The following PPP2R2B variants were observed in gnomAD, a reference collection of about 807,000 sequenced individuals.
PPP2R2B encodes protein phosphatase 2 regulatory subunit Bbeta.
PPP2R2B carries 5 observed loss-of-function variants against 46.0 expected under a neutral mutation model. That is an observed-to-expected ratio of 0.11 (90% confidence interval 0.06 to 0.23). PPP2R2B has a LOEUF of 0.23. Ranked by LOEUF, PPP2R2B falls within the 10% of genes least tolerant of loss-of-function variation. The pLI, the probability that PPP2R2B is intolerant of heterozygous loss-of-function variation, is 1.00. For missense variants in PPP2R2B, 367 were observed against 575.0 expected, an observed-to-expected ratio of 0.64 and a Z score of 3.70; for synonymous variants, 215 against 206.7, an observed-to-expected ratio of 1.04 and a Z score of -0.34.
At chr5:146,694,388 A>G (rs1030171705) in intron 4 of PPP2R2B, among the ~76,000 whole-genome samples, 1 of 152,214 alleles carries the variant, frequency 6.6e-6, no homozygotes, top group Non-Finnish European at 1.5e-5. Context: ...GTGGCTTAGA[A>G]CATCCCCAAA....
At chr5:146,734,178 C>A (rs1752403413) in intron 2 of PPP2R2B, among the ~76,000 whole-genome samples, 1 of 151,954 alleles carries the variant, frequency 6.6e-6, no homozygotes, top group East Asian at 1.9e-4. Flanking sequence ...ACCTTCGCCT[C>A]CCAAGTAGCT....
At chr5:146,990,649 G>A (rs1268945938) in intron 1 of PPP2R2B, among the ~76,000 whole-genome samples, 1 of 152,044 alleles carries the variant, frequency 6.6e-6, no homozygotes, top group Non-Finnish European at 1.5e-5. Flanking sequence ...TCATGAAATT[G>A]GAGTAGGCAA....
At position 146,585,559 on chromosome 5, in the gene PPP2R2B, G is replaced by T. The variant is rs1220063362; in HGVS notation, c.*4388C>A. 1 of 152,176 alleles carries T rather than the reference G, an allele frequency of 6.6e-6. No individual in the cohort carries two copies. The highest frequency in any genetic ancestry group is 1.5e-5 in the Non-Finnish European group (1 of 68,028). The allele number at this position is 152,176 out of a possible 1,614,324, so 9.4% of individuals were successfully genotyped here. On this transcript the variant is annotated 3_prime_UTR_variant, in exon 10 of 10. Transcript: ENST00000394411. ...GTTAGAGCTGTATTTTAACAGCTCT[G>T]GCTTTAGAGTCAGATACCTTGAGTT...
chr5:146,980,072 T>G (rs545924523), intron 1 of PPP2R2B, among the ~76,000 whole-genome samples: 8 of 152,324 alleles, frequency 5.3e-5, no homozygotes, highest in African/African-American at 1.9e-4. Context: ...CCATAATTTA[T>G]AGGTGAGATA....
chr5:147,040,520 G>C (rs954572365), intron 1 of PPP2R2B, among the ~76,000 whole-genome samples: 4 of 152,244 alleles, frequency 2.6e-5, no homozygotes, highest in African/African-American at 9.6e-5. Context: ...TCATGCTTGA[G>C]ATTGGACTGG....
chr5:146,626,988 T>C (rs918027821), intron 7 of PPP2R2B, among the ~76,000 whole-genome samples: 21 of 152,218 alleles, frequency 1.4e-4, no homozygotes. Flanking sequence ...GAAGGGATTC[T>C]ATTTTTATTC....
intron 2 of PPP2R2B, chr5:146,706,744 C>T: frequency 5.0e-6 from 4 of 804,188 alleles, no homozygotes; most frequent in Non-Finnish European, 8.9e-6. Flanking sequence ...TCCCAGCCAG[C>T]GTCTGCAGCT....
intron 2 of PPP2R2B, among the ~76,000 whole-genome samples, chr5:146,844,378 A>T (rs189004747): frequency 0.01 from 1,536 of 151,324 alleles, 29 homozygotes; most frequent in African/African-American, 0.035. Context: ...ATTAAAAAAA[A>T]ATATATACTG....
intron 1 of PPP2R2B, among the ~76,000 whole-genome samples, chr5:146,916,323 G>A (rs1238444925): frequency 6.9e-6 from 1 of 145,560 alleles, no homozygotes. Context: ...CTCAGAGGAA[G>A]TTCTATCTCT....
chr5:147,014,496 A>G (rs368700846), intron 1 of PPP2R2B, among the ~76,000 whole-genome samples: 1 of 152,128 alleles, frequency 6.6e-6, no homozygotes, highest in Non-Finnish European at 1.5e-5. Context: ...CAAATGTCCA[A>G]CAATGATAGA....
intron 2 of PPP2R2B, among the ~76,000 whole-genome samples, chr5:147,072,360 G>T (rs981912673): frequency 3.3e-5 from 5 of 152,224 alleles, no homozygotes; most frequent in Middle Eastern, 3.4e-3. Flanking sequence ...ATCCATTATT[G>T]TTGTATTAGT....
At chr5:146,822,298 C>CA (rs2151334713) in intron 2 of PPP2R2B, among the ~76,000 whole-genome samples, 1 of 152,270 alleles carries the variant, frequency 6.6e-6, no homozygotes, top group South Asian at 2.1e-4. Context: ...CTAAGCCCTC[C>CA]AGTGACTTCT....
At chr5:147,043,667 C>T (rs1756416653) in intron 1 of PPP2R2B, among the ~76,000 whole-genome samples, 1 of 152,182 alleles carries the variant, frequency 6.6e-6, no homozygotes, top group African/African-American at 2.4e-5. Context: ...GCTGCATGCT[C>T]AGTATGTGCA....
intron 1 of PPP2R2B, among the ~76,000 whole-genome samples, chr5:146,941,562 T>C (rs189952752): frequency 2.5e-4 from 38 of 152,274 alleles, no homozygotes; most frequent in Admixed American, 5.9e-4. Context: ...GTAGAAAAAC[T>C]AAAAAACATT....
intron 2 of PPP2R2B, among the ~76,000 whole-genome samples, chr5:147,067,511 A>G (rs772998947): frequency 6.6e-6 from 1 of 152,162 alleles, no homozygotes; most frequent in Non-Finnish European, 1.5e-5. Flanking sequence ...AGGCCAAGTA[A>G]TATTCCCTTT....
intron 2 of PPP2R2B, among the ~76,000 whole-genome samples, chr5:146,769,004 A>G (rs958826111): frequency 6.6e-6 from 1 of 152,018 alleles, no homozygotes; most frequent in African/African-American, 2.4e-5. Flanking sequence ...CAGCCTCCCA[A>G]GTAGGTGGGA....
At chr5:146,755,662 G>C (rs922459946) in intron 2 of PPP2R2B, among the ~76,000 whole-genome samples, 6 of 152,174 alleles carry the variant, frequency 3.9e-5, no homozygotes, top group Admixed American at 3.9e-4. Flanking sequence ...AATGCACTGT[G>C]GTTTCATCAA....
chr5:146,862,859 GA>G (rs370025208), intron 2 of PPP2R2B, among the ~76,000 whole-genome samples: 4,532 of 106,572 alleles, frequency 0.043, 157 homozygotes, highest in African/African-American at 0.099. Flanking sequence ...CAAGTAATTG[GA>G]AAAAAAAAAA....
chr5:146,871,853 G>A (rs1051589238), intron 2 of PPP2R2B, among the ~76,000 whole-genome samples: 5 of 152,170 alleles, frequency 3.3e-5, no homozygotes, highest in Non-Finnish European at 5.9e-5. Flanking sequence ...AGTTCCTTTG[G>A]TTCTCTGTAC....
Sources: gnomAD v4.1 joint callset for allele counts (sites outside exome capture counted in the v4.1 genomes callset) on GRCh38, gnomAD v4.1.1 for gene constraint, MANE v1.5 for transcripts, NCBI Gene and HGNC (gene_info 2026-07-23, HGNC 2026-07-21) for gene names.